Variants in ITGA2B observed in about 807,000 individuals in gnomAD.
ITGA2B encodes the protein integrin subunit alpha 2b, also known as integrin alpha-IIb.
ITGA2B carries 91 observed loss-of-function variants against 142.0 expected under a neutral mutation model. The ratio of observed to expected loss-of-function variants is 0.64; its 90% CI spans 0.54 to 0.76. The LOEUF is 0.76. ITGA2B is among the 30% of genes least tolerant of loss of function. The pLI, the probability that ITGA2B is intolerant of heterozygous loss-of-function variation, is 0.00. For missense variants in ITGA2B, 1,231 were observed against 1,350.8 expected (o/e 0.91, Z 1.39); for synonymous variants, 536 against 567.2 (o/e 0.94, Z 0.78).
Position 44,374,654 on chromosome 17 carries a change from C to G in ITGA2B, c.2943+5G>C. ...CTGGTCTCTGCTCCATCCCCCCACA[C>G]TCACCTGAGCTTCCCCTCGGGGCAG... On this transcript the variant is annotated splice_donor_5th_base_variant and intron_variant, in intron 28 of 29. Transcript: ENST00000262407. The G allele has an allele frequency of 6.2e-7, 1 of 1,612,608 alleles. No homozygotes were observed. Among genetic ancestry groups the G allele is most frequent in the Non-Finnish European group, 8.5e-7 (1 of 1,178,628 alleles).
In ITGA2B at chr17:44,383,955, TGAG is replaced by T. The variant is rs765859310; in HGVS notation, c.946-12_946-10del. On this transcript the variant is annotated splice_polypyrimidine_tract_variant and intron_variant, in intron 10 of 29. Transcript: ENST00000262407. ...CCAAAATACGACGCCATCTGCAAGA[TGAG>T]GAGCACCATCATTCACGCCGCTGGA... 1 of 1,614,058 alleles carries T rather than the reference TGAG, an allele frequency of 6.2e-7. No individual in the cohort carries two copies. The highest frequency in any genetic ancestry group is 8.5e-7 in the Non-Finnish European group (1 of 1,180,012).
At position 44,379,826 on chromosome 17, in the gene ITGA2B, G is replaced by A. The variant is rs1350022729; in HGVS notation, c.1753-12C>T. 2 of 1,613,654 alleles carry A rather than the reference G, an allele frequency of 1.2e-6. No homozygotes were observed. The highest frequency in any genetic ancestry group is 1.3e-5 in the African/African-American group (1 of 74,870). On this transcript the variant is annotated splice_polypyrimidine_tract_variant and intron_variant, in intron 17 of 29. Transcript: ENST00000262407. ...AAGTCTGCCTCATCCTAGGACAGGG[G>A]CAAGAGTCAGGCCATCTTGCTACCA...
At position 44,384,375 on chromosome 17, in the gene ITGA2B, G is replaced by C. The variant is rs755939915; in HGVS notation, c.848-21C>G. ...ATATTCTGGCGATAGGGAGAGCCAGGCTCAGGGAATGAGAGCCTTAGAACC... is the reference window on the plus strand; with the variant it reads ...ATATTCTGGCGATAGGGAGAGCCAGCCTCAGGGAATGAGAGCCTTAGAACC... On this transcript the variant is annotated intron_variant, in intron 8 of 29. Transcript: ENST00000262407. 9.3e-6 allele frequency: 15 copies of C among 1,613,648 alleles called. No individual in the cohort carries two copies. In the South Asian group the frequency reaches 1.4e-4, roughly 15 times the overall value.
intron 20 of ITGA2B, among the ~76,000 whole-genome samples, chr17:44,378,085 T>C (rs1392200727): frequency 1.3e-5 from 2 of 152,102 alleles, no homozygotes; most frequent in Non-Finnish European, 2.9e-5. Context: ...TGAGTCAATA[T>C]TGAAAAAAAG....
chr17:44,374,931 G>T, intron 27 of ITGA2B, 67 bp downstream of exon 27: 1 of 1,091,516 alleles, frequency 9.2e-7, no homozygotes. Context: ...ACCAAACCCC[G>T]CCCCTCCCAG....
chr17:44,380,888 C>A lies in ITGA2B; in HGVS notation c.1384G>T (p.Gly462Ter). Reference protein sequence around the residue: ...LRGAVDIDDNGYPDLIVGAYG... With the variant: ...LRGAVDIDDN The stretch of plus-strand genomic sequence containing the variant: ...AGGCAGTCCAGGGCACCTGGGTATC[C>A]GTTGTCATCGATGTCTACGGCACCT... Residue 462 changes from glycine to a stop codon, truncating the protein, a stop_gained, in exon 13 of 30, where the codon GGA becomes TGA. Transcript: ENST00000262407. LOFTEE classifies it high-confidence loss of function. 6.2e-7 allele frequency: 1 copy of A among 1,614,218 alleles called. No homozygotes were observed. Among genetic ancestry groups the A allele is most frequent in the Non-Finnish European group, 8.5e-7 (1 of 1,180,036 alleles).
intron 27 of ITGA2B, 36 bp from the exon 28 acceptor site, chr17:44,374,796 C>CA (rs1555613209): frequency 6.4e-7 from 1 of 1,562,882 alleles, no homozygotes; most frequent in South Asian, 1.1e-5. Flanking sequence ...TTTACACCCA[C>CA]AAGAGGCCTA....
Position 44,374,778 on chromosome 17 carries a change from G to A in ITGA2B, c.2842-18C>T. On this transcript the variant is annotated intron_variant, in intron 27 of 29. Transcript: ENST00000262407. ...AGAGGCCTCTGGACAGGTTGGGGTT[G>A]AAAGCCGTTTACACCCACAAGAGGC... is the stretch of plus-strand genomic sequence containing the variant. 1.2e-6 allele frequency: 2 copies of A among 1,607,658 alleles called. No homozygotes were observed. The highest frequency in any genetic ancestry group is 1.3e-5 in the African/African-American group (1 of 74,908).
chr17:44,385,479 G>T, intron 4 of ITGA2B, 72 bp downstream of exon 4: 2 of 1,524,242 alleles, frequency 1.3e-6, no homozygotes, highest in Non-Finnish European at 1.8e-6. Context: ...CTGCGGCGCT[G>T]GGGGCGGGAT....
intron 12 of ITGA2B, among the ~76,000 whole-genome samples, chr17:44,382,565 A>C (rs2048606284): frequency 1.3e-5 from 2 of 151,196 alleles, no homozygotes; most frequent in Non-Finnish European, 2.9e-5. Flanking sequence ...GCTGGAGTGC[A>C]GTAGTGGCGC....
intron 10 of ITGA2B, 23 bp downstream of exon 10, chr17:44,384,062 G>C: frequency 1.2e-6 from 2 of 1,613,648 alleles, no homozygotes; most frequent in Non-Finnish European, 1.7e-6. Flanking sequence ...ACCCAGCCAC[G>C]CCCACTGGGA....
intron 29 of ITGA2B, chr17:44,373,968 T>TG: frequency 7.1e-6 from 2 of 281,878 alleles, no homozygotes; most frequent in Non-Finnish European, 1.4e-5. Flanking sequence ...TGCAGTGGTG[T>TG]GATCTCGGCT....
At chr17:44,374,835 C>A in intron 27 of ITGA2B, 75 bp from the exon 28 acceptor site, 1 of 1,401,002 alleles carries the variant, frequency 7.1e-7, no homozygotes, top group East Asian at 2.3e-5. Flanking sequence ...GTCCCACACC[C>A]CCGGCGGGGA....
intron 26 of ITGA2B, 94 bp from the exon 27 acceptor site, chr17:44,375,205 CG>C (rs2048530407): frequency 9.3e-6 from 10 of 1,072,476 alleles, no homozygotes; most frequent in African/African-American, 1.6e-5. Context: ...CAGAAGGGGC[CG>C]GGGGTTCAGG....
intron 12 of ITGA2B, among the ~76,000 whole-genome samples, chr17:44,382,574 G>A (rs188643440): frequency 3.1e-4 from 47 of 151,644 alleles, no homozygotes; most frequent in Admixed American, 4.6e-4. Flanking sequence ...CAGTAGTGGC[G>A]CAAGCTCAGC....
chr17:44,385,885 T>G lies in ITGA2B; in HGVS notation c.347A>C (p.Gln116Pro). Residue 116 changes from glutamine to proline, a missense_variant, in exon 3 of 30, where the codon CAA becomes CCA. By Grantham distance (76) the Gln-to-Pro change is moderately conservative (BLOSUM62 -1). Coordinates refer to ENST00000262407, the MANE Select transcript of ITGA2B (RefSeq NM_000419.5). ...CAGTCCTTGGCGGGCCTTGAAGGTTTGTAAAGTTTGGGAGCCTACATTTCG... is the reference window on the plus strand; with the variant it reads ...CAGTCCTTGGCGGGCCTTGAAGGTTGGTAAAGTTTGGGAGCCTACATTTCG... ...ETRNVGSQTLQTFKARQGLGA... is the reference protein window; with the variant it reads ...ETRNVGSQTLPTFKARQGLGA... The G allele has an allele frequency of 6.2e-7, 1 of 1,609,852 alleles. No individual in the cohort carries two copies. The highest frequency in any genetic ancestry group is 8.5e-7 in the Non-Finnish European group (1 of 1,177,958).
intron 29 of ITGA2B, among the ~76,000 whole-genome samples, chr17:44,373,374 G>A (rs1051071622): frequency 5.3e-5 from 8 of 152,092 alleles, no homozygotes; most frequent in African/African-American, 1.9e-4. Context: ...CTGACCTCAT[G>A]AACCGCCCAC....
chr17:44,374,570 T>A, intron 28 of ITGA2B, 89 bp downstream of exon 28: 1 of 1,511,586 alleles, frequency 6.6e-7, no homozygotes. Context: ...CACCCACCCG[T>A]ACCACCCCTC....
At chr17:44,381,117 CTG>C (rs1232209807) in intron 12 of ITGA2B, 56 bp from the exon 13 acceptor site, 3 of 1,552,420 alleles carry the variant, frequency 1.9e-6, no homozygotes, top group East Asian at 2.3e-5. Flanking sequence ...CCCTAGATGA[CTG>C]TAAAACTTTC....
Sources: allele counts gnomAD v4.1 joint callset (sites outside exome capture counted in the v4.1 genomes callset), GRCh38; gene constraint gnomAD v4.1.1; transcripts MANE v1.5; gene names NCBI Gene and HGNC (gene_info 2026-07-23, HGNC 2026-07-21).